The following KCNMA1 variants were observed in gnomAD, a reference collection of about 807,000 sequenced individuals.
The protein encoded by KCNMA1 is Calcium-activated potassium channel subunit alpha-1.
A neutral mutation model predicts 140.0 loss-of-function variants in KCNMA1; 29 were observed. That is an observed-to-expected ratio of 0.21 (90% confidence interval 0.15 to 0.28). The LOEUF (loss-of-function observed/expected upper bound fraction) is 0.28, where lower values mean the gene tolerates loss of function less well. KCNMA1 is among the 10% of genes least tolerant of loss of function. The pLI is 1.00. For missense variants in KCNMA1, 880 were observed against 1,602.2 expected, an observed-to-expected ratio of 0.55 and a Z score of 7.70; for synonymous variants, 612 against 611.9, an observed-to-expected ratio of 1.00 and a Z score of 0.00.
At chr10:77,180,146 G>A (rs1042609823) in intron 5 of KCNMA1, among the ~76,000 whole-genome samples, 2 of 152,118 alleles carry the variant, frequency 1.3e-5, no homozygotes, top group African/African-American at 4.8e-5. Flanking sequence ...GATAGACTTC[G>A]GTTTCCTGCA....
chr10:76,937,652 A>G (rs879472010), intron 23 of KCNMA1, among the ~76,000 whole-genome samples: 1 of 152,232 alleles, frequency 6.6e-6, no homozygotes, highest in African/African-American at 2.4e-5. Flanking sequence ...TAAAAGAGAA[A>G]TCACATTTTC....
intron 5 of KCNMA1, among the ~76,000 whole-genome samples, chr10:77,174,022 T>G (rs1199480081): frequency 6.6e-6 from 1 of 152,162 alleles, no homozygotes; most frequent in Non-Finnish European, 1.5e-5. Context: ...CCCTTGCTAC[T>G]TAATTGCTCA....
At chr10:77,368,694 C>T (rs1024403526) in intron 2 of KCNMA1, among the ~76,000 whole-genome samples, 9 of 152,250 alleles carry the variant, frequency 5.9e-5, no homozygotes, top group Admixed American at 5.9e-4. Context: ...CACTTTGAGT[C>T]AATTTTTGTA....
intron 2 of KCNMA1, 25 bp downstream of exon 2, chr10:77,403,837 G>C: frequency 1.2e-6 from 2 of 1,604,782 alleles, no homozygotes; most frequent in Non-Finnish European, 8.5e-7. Flanking sequence ...AGGCCTCCTG[G>C]TGTGAGAAGT....
chr10:77,637,247 G>T lies in KCNMA1; in HGVS notation c.378+18C>A. 1 of 1,588,368 alleles carries T rather than the reference G, an allele frequency of 6.3e-7. No homozygotes were observed. The highest frequency in any genetic ancestry group is 8.6e-7 in the Non-Finnish European group (1 of 1,164,710). ...GGTGGGGCTGGCGCAGAGGGCGGGC[G>T]CCCGGGGCGCGCGTTACCTTCGTCT... On this transcript the variant is annotated intron_variant, in intron 1 of 27. Coordinates refer to ENST00000286628, the MANE Select transcript of KCNMA1 (RefSeq NM_001161352.2).
intron 2 of KCNMA1, among the ~76,000 whole-genome samples, chr10:77,276,184 G>C (rs1397532630): frequency 6.6e-6 from 1 of 152,142 alleles, no homozygotes; most frequent in Non-Finnish European, 1.5e-5. Context: ...CATGTAATTT[G>C]ATGATCACCT....
At chr10:77,296,155 CCTTG>C in intron 2 of KCNMA1, among the ~76,000 whole-genome samples, 1 of 152,174 alleles carries the variant, frequency 6.6e-6, no homozygotes, top group East Asian at 1.9e-4. Flanking sequence ...GGGAGATTGT[CCTTG>C]ATTATCCAGG....
intron 1 of KCNMA1, among the ~76,000 whole-genome samples, chr10:77,553,529 A>G (rs974972592): frequency 3.9e-5 from 6 of 152,232 alleles, no homozygotes; most frequent in Non-Finnish European, 7.3e-5. Flanking sequence ...GCAACCCTGC[A>G]GGCAGTGCAC....
At chr10:77,372,161 C>A (rs1487029831) in intron 2 of KCNMA1, among the ~76,000 whole-genome samples, 2 of 152,166 alleles carry the variant, frequency 1.3e-5, no homozygotes, top group African/African-American at 4.8e-5. Context: ...CAGTGCAAGA[C>A]CAGTCTCTCC....
At chr10:77,035,147 A>G (rs1349804993) in intron 15 of KCNMA1, among the ~76,000 whole-genome samples, 4 of 152,256 alleles carry the variant, frequency 2.6e-5, no homozygotes, top group African/African-American at 9.6e-5. Flanking sequence ...AGAGGAAAGC[A>G]ATTTGCTGTA....
chr10:77,227,277 T>C (rs1280498324), intron 3 of KCNMA1, among the ~76,000 whole-genome samples: 1 of 152,232 alleles, frequency 6.6e-6, no homozygotes, highest in Non-Finnish European at 1.5e-5. Context: ...TTACTGAATG[T>C]CTGATTAAAC....
At chr10:77,026,548 A>G (rs993579827) in intron 16 of KCNMA1, among the ~76,000 whole-genome samples, 16 of 152,224 alleles carry the variant, frequency 1.1e-4, no homozygotes, top group African/African-American at 3.9e-4. Context: ...TGCAAACAAT[A>G]TTCTTCACTT....
intron 2 of KCNMA1, among the ~76,000 whole-genome samples, chr10:77,287,034 C>T (rs895973562): frequency 1.3e-5 from 2 of 152,186 alleles, no homozygotes; most frequent in African/African-American, 4.8e-5. Flanking sequence ...GCCACATTCA[C>T]TTAGGAAGGG....
At chr10:77,232,506 G>T (rs996577858) in intron 3 of KCNMA1, among the ~76,000 whole-genome samples, 15 of 152,192 alleles carry the variant, frequency 9.9e-5, no homozygotes, top group African/African-American at 3.6e-4. Flanking sequence ...TTTCTCTGAT[G>T]ACTAAGGTGT....
At chr10:77,131,463 A>T (rs111529973) in intron 5 of KCNMA1, among the ~76,000 whole-genome samples, 1,616 of 152,254 alleles carry the variant, frequency 0.011, 33 homozygotes, top group African/African-American at 0.037. Context: ...CACTGAGAGA[A>T]CAAGGCCTGA....
Position 77,506,596 on chromosome 10 carries a change from A to AGAGAGAGTGTGTGTGTGTGT in KCNMA1, c.379-102574_379-102573insACACACACACACACTCTCTC. On this transcript the variant is annotated intron_variant, in intron 1 of 27. Transcript: ENST00000286628. ...TAGAGAGAGAGAGAGAGAGAGAGAGAGTGTGTGTGTGTGTGTGTGTGTGTT... is the reference window on the plus strand; with the variant it reads ...TAGAGAGAGAGAGAGAGAGAGAGAGAGAGAGAGTGTGTGTGTGTGTGTGTGTGTGTGTGTGTGTGTGTGTT... Among the ~76,000 whole-genome samples, 198 of 83,548 alleles carry AGAGAGAGTGTGTGTGTGTGT rather than the reference A, an allele frequency of 2.4e-3. 14 individuals carry two copies. Among genetic ancestry groups the AGAGAGAGTGTGTGTGTGTGT allele is most frequent in the African/African-American group, 0.014 (187 of 13,390 alleles). 54.8% of individuals were successfully genotyped at this position (83,548 alleles called of 152,430 possible).
chr10:77,465,010 T>C (rs879804605), intron 1 of KCNMA1, among the ~76,000 whole-genome samples: 4 of 152,158 alleles, frequency 2.6e-5, no homozygotes, highest in Non-Finnish European at 5.9e-5. Context: ...AACAAAGGAA[T>C]AGCCAAAATT....
intron 5 of KCNMA1, among the ~76,000 whole-genome samples, chr10:77,160,086 C>T (rs970735662): frequency 1.3e-5 from 2 of 151,626 alleles, no homozygotes; most frequent in Non-Finnish European, 2.9e-5. Context: ...AGAGAAGGTC[C>T]CTAACAGGGT....
At chr10:77,012,552 G>A (rs1047289409) in intron 17 of KCNMA1, 8 of 1,549,880 alleles carry the variant, frequency 5.2e-6, no homozygotes, top group Non-Finnish European at 7.0e-6. Context: ...ACAGAGTTGA[G>A]GAGGTCTGCA....
Sources: gnomAD v4.1 joint callset for allele counts (sites outside exome capture counted in the v4.1 genomes callset) on GRCh38, gnomAD v4.1.1 for gene constraint, MANE v1.5 for transcripts, NCBI Gene and HGNC (gene_info 2026-07-23, HGNC 2026-07-21) for gene names.